NOCT: variants seen among roughly 807,000 people sequenced by gnomAD.
NOCT encodes CCR4 carbon catabolite repression 4-like.
Under a neutral mutation model 35.0 loss-of-function variants are expected in NOCT, and 18 were observed. That is an observed-to-expected ratio of 0.51 (90% confidence interval 0.36 to 0.76). NOCT has a LOEUF of 0.76. Among genes scored for constraint, NOCT ranks in the 30% least tolerant of loss-of-function variants. NOCT has a pLI of 0.01. For synonymous variants in NOCT, 235 were observed against 226.3 expected (o/e 1.04, Z -0.34); for missense variants, 479 against 541.0 (o/e 0.89, Z 1.14).
intron 1 of NOCT, among the ~76,000 whole-genome samples, chr4:139,033,398 T>C (rs1726663293): frequency 2.0e-5 from 3 of 150,856 alleles, no homozygotes; most frequent in Admixed American, 2.0e-4. Flanking sequence ...AGGTGGGGTA[T>C]GGTGGCTAAT....
At chr4:139,026,259 G>T (rs555671296) in intron 1 of NOCT, among the ~76,000 whole-genome samples, 1 of 151,756 alleles carries the variant, frequency 6.6e-6, no homozygotes. Flanking sequence ...GCGCTACCAC[G>T]CCCAGCTAAT....
intron 1 of NOCT, among the ~76,000 whole-genome samples, chr4:139,037,308 C>T (rs950333262): frequency 5.3e-5 from 8 of 152,218 alleles, no homozygotes; most frequent in African/African-American, 1.7e-4. Context: ...GCCAATAAAA[C>T]TTGAAAGGCA....
chr4:139,023,053 A>G (rs967014082), intron 1 of NOCT, among the ~76,000 whole-genome samples: 1 of 151,964 alleles, frequency 6.6e-6, no homozygotes, highest in African/African-American at 2.4e-5. Context: ...GCTAGCTGAG[A>G]TCGTACCACT....
chr4:139,032,318 T>C (rs993406571), intron 1 of NOCT, among the ~76,000 whole-genome samples: 3 of 152,184 alleles, frequency 2.0e-5, no homozygotes, highest in African/African-American at 4.8e-5. Flanking sequence ...AGCTATTTAA[T>C]GTGCCTGTTA....
intron 1 of NOCT, among the ~76,000 whole-genome samples, chr4:139,034,906 C>T (rs1335592744): frequency 3.9e-5 from 6 of 152,190 alleles, no homozygotes; most frequent in African/African-American, 1.2e-4. Flanking sequence ...GTTGTTTTTG[C>T]AGATTTCCCA....
chr4:139,018,610 T>C (rs940095186), intron 1 of NOCT, among the ~76,000 whole-genome samples: 4 of 152,268 alleles, frequency 2.6e-5, no homozygotes, highest in African/African-American at 9.6e-5. Flanking sequence ...GATTCATTCA[T>C]TGCTTGTTCA....
At chr4:139,040,572 A>G (rs1053165037) in intron 1 of NOCT, among the ~76,000 whole-genome samples, 2 of 152,154 alleles carry the variant, frequency 1.3e-5, no homozygotes, top group African/African-American at 2.4e-5. Context: ...CCTTCTGCAC[A>G]TTCATTTTTG....
chr4:139,020,552 A>T (rs1726389087), intron 1 of NOCT, among the ~76,000 whole-genome samples: 1 of 152,216 alleles, frequency 6.6e-6, no homozygotes, highest in Non-Finnish European at 1.5e-5. Flanking sequence ...AGGCAGAATC[A>T]TTTGGGACAG....
Position 139,016,180 on chromosome 4 carries a change from A to C in NOCT, c.190+9A>C. 8.1e-7 allele frequency: 1 copy of C among 1,235,946 alleles called. No homozygotes were observed. Among genetic ancestry groups the C allele is most frequent in the Non-Finnish European group, 1.0e-6 (1 of 988,506 alleles). The allele number at this position is 1,235,946 out of a possible 1,614,324, so 76.6% of individuals were successfully genotyped here. A position where few individuals can be genotyped will look rare whatever the true frequency, so the allele number is the denominator to read the frequency against. On this transcript the variant is annotated intron_variant, in intron 1 of 2. Coordinates refer to ENST00000280614, the MANE Select transcript of NOCT (RefSeq NM_012118.4). ...GTCGTGTTCCCGAACAGGTGAGTGC[A>C]CCCCAGTTCCGGGCGGAGAACGCCA...
At chr4:139,029,520 CAAT>C (rs886488231) in intron 1 of NOCT, among the ~76,000 whole-genome samples, 1 of 152,228 alleles carries the variant, frequency 6.6e-6, no homozygotes, top group African/African-American at 2.4e-5. Flanking sequence ...CAGTGGCACT[CAAT>C]AACAGACTTG....
At chr4:139,031,742 C>G (rs1207941103) in intron 1 of NOCT, among the ~76,000 whole-genome samples, 1 of 151,904 alleles carries the variant, frequency 6.6e-6, no homozygotes, top group East Asian at 1.9e-4. Context: ...GAGGGAGTCT[C>G]ACTCTTGTTG....
intron 2 of NOCT, 176 bp downstream of exon 2, chr4:139,043,519 A>AAT: frequency 1.9e-6 from 1 of 521,984 alleles, no homozygotes; most frequent in Non-Finnish European, 3.3e-6. Context: ...TCTGGTTTTC[A>AAT]CTTTTTTTTT....
chr4:139,026,320 C>T (rs1269874431), intron 1 of NOCT, among the ~76,000 whole-genome samples: 2 of 151,938 alleles, frequency 1.3e-5, no homozygotes, highest in Non-Finnish European at 2.9e-5. Context: ...AGGCTGGTCT[C>T]GAACTCCTGA....
chr4:139,016,131 C>G lies in NOCT; in HGVS notation c.150C>G (p.Ala50=). The change falls in exon 1 of 3, where the codon GCC becomes GCG. Residue 50 remains alanine (A), a synonymous_variant. Transcript: ENST00000280614. ...CATCCCCCCGGCTGCTGGCGGCGGC[C>G]TCGGCGGCCTCGGGCGCCGCGAGGT... ...RPASPRLLAA[A]SAASGAARSC... 15 of 1,286,924 alleles carry G rather than the reference C, an allele frequency of 1.2e-5. No individual in the cohort carries two copies. The highest frequency in any genetic ancestry group is 1.5e-5 in the Non-Finnish European group (15 of 1,019,902). The allele number at this position is 1,286,924 out of a possible 1,614,324, so 79.7% of individuals were successfully genotyped here. A position where few individuals can be genotyped will look rare whatever the true frequency, so the allele number is the denominator to read the frequency against.
In NOCT at chr4:139,039,715, A is replaced by G. The variant is rs139527729; in HGVS notation, c.191-3359A>G. Among the ~76,000 whole-genome samples, 875 of 150,692 alleles carry G rather than the reference A, an allele frequency of 5.8e-3. 11 individuals carry two copies. The highest frequency in any genetic ancestry group is 0.021 in the African/African-American group (841 of 41,022). On this transcript the variant is annotated intron_variant, in intron 1 of 2. Coordinates refer to ENST00000280614, the MANE Select transcript of NOCT (RefSeq NM_012118.4). ...TAATTCTGATTTAGGTTATTCTTTC[A>G]TGTCTTGTATCTTTTTGTTTTGTTT...
intron 1 of NOCT, among the ~76,000 whole-genome samples, chr4:139,020,299 T>C (rs1726385546): frequency 1.3e-5 from 2 of 152,350 alleles, no homozygotes; most frequent in Admixed American, 6.5e-5. Flanking sequence ...CCACAAGCTT[T>C]ATTGAATAGT....
rs903672067 is a variant in NOCT, at chr4:139,045,585, C to T, written c.*111C>T. On this transcript the variant is annotated 3_prime_UTR_variant, in exon 3 of 3. Coordinates refer to ENST00000280614, the MANE Select transcript of NOCT (RefSeq NM_012118.4). ...AGGCTGGAGTACAGTGGCCTGATCTCGGCTCACTGCAAGATCCGCCTCCCG... is the reference window on the plus strand; with the variant it reads ...AGGCTGGAGTACAGTGGCCTGATCTTGGCTCACTGCAAGATCCGCCTCCCG... 2.5e-5 allele frequency: 15 copies of T among 593,090 alleles called. No homozygotes were observed. The highest frequency in any genetic ancestry group is 2.0e-4 in the South Asian group (8 of 40,028). 36.7% of individuals were successfully genotyped at this position (593,090 alleles called of 1,614,324 possible).
chr4:139,043,535 T>C lies in NOCT; in HGVS notation c.460+192T>C, dbSNP rs1325456538. The stretch of plus-strand genomic sequence containing the variant: ...CTGGTTTTCACTTTTTTTTTTTTTT[T>C]AGAAAGAAAAAAGACACTTTAATTG... On this transcript the variant is annotated intron_variant, in intron 2 of 2. Transcript: ENST00000280614. The C allele has an allele frequency of 1.6e-5, 9 of 549,664 alleles. No homozygotes were observed. The East Asian group carries it at 1.8e-4, about 11-fold the overall frequency. The allele number at this position is 549,664 out of a possible 1,614,324, so 34.0% of individuals were successfully genotyped here. A position where few individuals can be genotyped will look rare whatever the true frequency, so the allele number is the denominator to read the frequency against.
rs563805615 is a variant in NOCT at position 139,020,197 on chromosome 4, CTTAACAT to C, written c.190+4029_190+4035del. On this transcript the variant is annotated intron_variant, in intron 1 of 2. Coordinates refer to ENST00000280614, the MANE Select transcript of NOCT (RefSeq NM_012118.4). ...TGGCTCCAGATTCACATTCCACACA[CTTAACAT>C]TTGTAAATCATTTAACCTTGCTTGC... 2.4e-4 allele frequency among the ~76,000 whole-genome samples: 37 copies of C among 152,312 alleles called. 1 individual carries two copies. In the South Asian group the frequency reaches 7.2e-3, roughly 30 times the overall value.
Sources: allele counts gnomAD v4.1 joint callset (sites outside exome capture counted in the v4.1 genomes callset), GRCh38; gene constraint gnomAD v4.1.1; transcripts MANE v1.5; gene names NCBI Gene and HGNC (gene_info 2026-07-23, HGNC 2026-07-21).